IL1RL2: variants seen among roughly 807,000 people sequenced by gnomAD.
The protein encoded by IL1RL2 is interleukin-1 receptor-like 2.
IL1RL2 carries 68 observed loss-of-function variants against 66.8 expected under a neutral mutation model. The observed-to-expected ratio is 1.02, with a 90% CI of 0.84 to 1.25. IL1RL2 has a LOEUF of 1.25. Among genes scored for constraint, IL1RL2 ranks in the 50% most tolerant of loss-of-function variants. The pLI, the probability that IL1RL2 is intolerant of heterozygous loss-of-function variation, is 0.00. For synonymous variants in IL1RL2, 305 were observed against 264.6 expected (o/e 1.15, Z -1.48); for missense variants, 729 against 709.3 (o/e 1.03, Z -0.32).
Position 102,233,011 on chromosome 2 carries a change from A to G in IL1RL2, c.1184A>G (p.Glu395Gly). Reference protein sequence around the residue: ...AYVLYPKPHKESQRHAVDALV... With the variant: ...AYVLYPKPHKGSQRHAVDALV... ...GTCTTATACCCCAAGCCCCACAAGG[A>G]AAGCCAGAGGCATGCCGTGGATGCC... The change falls in exon 10 of 12, where the codon GAA becomes GGA. Residue 395 changes from glutamate (E) to glycine (G), a missense_variant. By Grantham distance (98) the Glu-to-Gly change is moderately conservative. Coordinates refer to ENST00000264257, the MANE Select transcript of IL1RL2 (RefSeq NM_003854.4). 1.2e-6 allele frequency: 2 copies of G among 1,614,186 alleles called. No homozygotes were observed. Among genetic ancestry groups the G allele is most frequent in the Non-Finnish European group, 1.7e-6 (2 of 1,180,010 alleles).
At chr2:102,220,578 T>G (rs1173902385) in intron 8 of IL1RL2, among the ~76,000 whole-genome samples, 1 of 152,134 alleles carries the variant, frequency 6.6e-6, no homozygotes, top group Non-Finnish European at 1.5e-5. Context: ...GAGAACAACT[T>G]TAAATTCGTA....
At chr2:102,205,662 T>C (rs1688643024) in intron 5 of IL1RL2, among the ~76,000 whole-genome samples, 1 of 152,206 alleles carries the variant, frequency 6.6e-6, no homozygotes, top group Admixed American at 6.5e-5. Flanking sequence ...TTAGAATCCT[T>C]TCTTTATCCT....
intron 7 of IL1RL2, 121 bp from the exon 8 acceptor site, chr2:102,219,760 T>C: frequency 1.1e-6 from 1 of 939,650 alleles, no homozygotes; most frequent in Non-Finnish European, 1.6e-6. Context: ...AAAGTATTTT[T>C]AGGATAACAT....
chr2:102,219,793 GA>G, intron 7 of IL1RL2, 87 bp from the exon 8 acceptor site: 1 of 1,339,100 alleles, frequency 7.5e-7, no homozygotes, highest in Non-Finnish European at 1.0e-6. Flanking sequence ...TGTTCTCAAA[GA>G]AAACACTTTA....
chr2:102,196,845 A>G (rs1432976196), intron 4 of IL1RL2, among the ~76,000 whole-genome samples: 2 of 152,174 alleles, frequency 1.3e-5, no homozygotes, highest in African/African-American at 4.8e-5. Flanking sequence ...GAAAATAAAC[A>G]CCATTTATGC....
At chr2:102,192,243 T>C in intron 4 of IL1RL2, 123 bp downstream of exon 4, 1 of 602,506 alleles carries the variant, frequency 1.7e-6, no homozygotes, top group Non-Finnish European at 2.8e-6. Context: ...TAAGATAGAT[T>C]AGTTAGCTAG....
chr2:102,212,965 C>T (rs2104806429), intron 6 of IL1RL2, among the ~76,000 whole-genome samples: 1 of 146,004 alleles, frequency 6.8e-6, no homozygotes, highest in East Asian at 2.0e-4. Context: ...GACTCCGTCT[C>T]AAAACAAAAC....
chr2:102,190,181 T>C lies in IL1RL2; in HGVS notation c.293+871T>C, dbSNP rs10195375. 5.8e-3 allele frequency among the ~76,000 whole-genome samples: 888 copies of C among 152,318 alleles called. 14 individuals are homozygous for C. Among genetic ancestry groups the C allele is most frequent in the African/African-American group, 0.021 (855 of 41,574 alleles). On this transcript the variant is annotated intron_variant, in intron 3 of 11. Coordinates refer to ENST00000264257, the MANE Select transcript of IL1RL2 (RefSeq NM_003854.4). ...CATGCCCCTCAAAGGTAGCTGTCTA[T>C]TCAGGTCAAGCCCATCTTCTCACTT...
chr2:102,214,869 A>T (rs1440968606), intron 6 of IL1RL2, among the ~76,000 whole-genome samples: 2 of 152,200 alleles, frequency 1.3e-5, no homozygotes, highest in Admixed American at 6.5e-5. Context: ...GGGCCAAAAT[A>T]TAAAATAAAT....
chr2:102,218,868 T>C, intron 6 of IL1RL2, 85 bp from the exon 7 acceptor site: 2 of 1,167,136 alleles, frequency 1.7e-6, no homozygotes, highest in Non-Finnish European at 2.5e-6. Flanking sequence ...GGCTCGAGAG[T>C]ACGATGCACT....
chr2:102,211,969 T>C (rs1689208789), intron 5 of IL1RL2, 131 bp from the exon 6 acceptor site: 1 of 563,224 alleles, frequency 1.8e-6, no homozygotes, highest in Non-Finnish European at 3.1e-6. Context: ...AAAATGTGTA[T>C]TTATGGAGTG....
At chr2:102,225,779 C>A in intron 8 of IL1RL2, 119 bp from the exon 9 acceptor site, 1 of 704,564 alleles carries the variant, frequency 1.4e-6, no homozygotes, top group Non-Finnish European at 2.0e-6. Context: ...CCCTCATTGA[C>A]ATCCAAAACC....
At chr2:102,241,628 T>G (rs994780481), downstream of IL1RL2, among the ~76,000 whole-genome samples, 1 of 152,226 alleles carries the variant, frequency 6.6e-6, no homozygotes, top group Admixed American at 6.5e-5. Flanking sequence ...GGGGGGCATT[T>G]ACCATGTGCC....
intron 9 of IL1RL2, 54 bp downstream of exon 9, chr2:102,226,095 T>C (rs1364771379): frequency 8.0e-6 from 11 of 1,368,754 alleles, no homozygotes; most frequent in Admixed American, 7.7e-5. Flanking sequence ...CTCTTATACA[T>C]ATACAACGAT....
chr2:102,187,791 A>G lies in IL1RL2; in HGVS notation c.-12-65A>G. 2.8e-6 allele frequency: 4 copies of G among 1,410,336 alleles called. No individual in the cohort carries two copies. The South Asian group carries it at 4.6e-5, about 16-fold the overall frequency. The allele number at this position is 1,410,336 out of a possible 1,614,324, so 87.4% of individuals were successfully genotyped here. On this transcript the variant is annotated intron_variant, in intron 1 of 11. Transcript: ENST00000264257. ...TGTCTTTGAGATTCCGAGGTCGCCCACGCCGGCGCCTCGGGCCCGCCCTAC... is the reference window on the plus strand; with the variant it reads ...TGTCTTTGAGATTCCGAGGTCGCCCGCGCCGGCGCCTCGGGCCCGCCCTAC...
intron 6 of IL1RL2, among the ~76,000 whole-genome samples, chr2:102,216,009 G>C (rs1689582530): frequency 6.6e-6 from 1 of 152,086 alleles, no homozygotes; most frequent in African/African-American, 2.4e-5. Flanking sequence ...CCTCAAAGGA[G>C]CACAATAATT....
In IL1RL2 at chr2:102,235,133, C is replaced by A; in HGVS notation, c.1534C>A (p.Arg512=). The stretch of plus-strand genomic sequence containing the variant: ...CATCAAACAGAAGCATGGTGCCATC[C>A]GGTGGCATGGGGACTTCACGGAGCA... ...QYIKQKHGAI[R]WHGDFTEQSQ... Residue 512 remains arginine, a synonymous_variant, in exon 11 of 12, where the codon CGG becomes AGG. Transcript: ENST00000264257. 1.2e-6 allele frequency: 2 copies of A among 1,614,198 alleles called. No homozygotes were observed. The highest frequency in any genetic ancestry group is 1.7e-6 in the Non-Finnish European group (2 of 1,180,036).
Position 102,219,863 on chromosome 2 carries a change from T to C in IL1RL2, c.855-18T>C. 6.3e-7 allele frequency: 1 copy of C among 1,594,660 alleles called. No individual in the cohort carries two copies. Among genetic ancestry groups the C allele is most frequent in the South Asian group, 1.1e-5 (1 of 90,546 alleles). On this transcript the variant is annotated intron_variant, in intron 7 of 11. Coordinates refer to ENST00000264257, the MANE Select transcript of IL1RL2 (RefSeq NM_003854.4). ...AAATCTGACTCATGTATTAATGACT[T>C]ACTCTTTTCTTTTATAGAACCCATG...
chr2:102,218,296 A>T (rs1689788135), intron 6 of IL1RL2, among the ~76,000 whole-genome samples: 1 of 152,204 alleles, frequency 6.6e-6, no homozygotes. Flanking sequence ...TTTTTAAAAA[A>T]ATATCATTTA....
Sources: gnomAD v4.1 joint callset for allele counts (sites outside exome capture counted in the v4.1 genomes callset) on GRCh38, gnomAD v4.1.1 for gene constraint, MANE v1.5 for transcripts, NCBI Gene and HGNC (gene_info 2026-07-23, HGNC 2026-07-21) for gene names.